MCCC2: variants seen among roughly 807,000 people sequenced by gnomAD.
MCCC2 encodes the protein methylcrotonoyl-CoA carboxylase beta chain, mitochondrial.
MCCC2 carries 52 observed loss-of-function variants against 77.2 expected under a neutral mutation model. That is an observed-to-expected ratio of 0.67 (90% confidence interval 0.54 to 0.85). The LOEUF is 0.85. Ranked by LOEUF, MCCC2 falls within the 40% of genes least tolerant of loss-of-function variation. The pLI is 0.00. For missense variants in MCCC2, 682 were observed against 703.2 expected, an observed-to-expected ratio of 0.97 and a Z score of 0.34; for synonymous variants, 253 against 248.4, an observed-to-expected ratio of 1.02 and a Z score of -0.18.
At chr5:71,614,752 G>A (rs1024679007) in intron 6 of MCCC2, among the ~76,000 whole-genome samples, 6 of 151,944 alleles carry the variant, frequency 3.9e-5, no homozygotes, top group African/African-American at 1.5e-4. Context: ...CCAAAGTGCT[G>A]GGATTACAGG....
At position 71,618,491 on chromosome 5, in the gene MCCC2, TCC is replaced by T. The variant is rs1457178213; in HGVS notation, c.625-8148_625-8147del. ...TTTCTTTCTTTCCTTCTTTCCTTCT[TCC>T]TTCCTTCCTTCCTTCCTTCCTTCCT... On this transcript the variant is annotated intron_variant, in intron 6 of 16. Coordinates refer to ENST00000340941, the MANE Select transcript of MCCC2 (RefSeq NM_022132.5). Among the ~76,000 whole-genome samples, 5 of 7,128 alleles carry T rather than the reference TCC, an allele frequency of 7.0e-4. No individual in the cohort carries two copies. The Admixed American group carries it at 8.7e-3, about 12-fold the overall frequency. 4.7% of individuals were successfully genotyped at this position (7,128 alleles called of 152,430 possible).
At chr5:71,603,936 T>C (rs1482054017) in intron 5 of MCCC2, among the ~76,000 whole-genome samples, 1 of 152,212 alleles carries the variant, frequency 6.6e-6, no homozygotes, top group Non-Finnish European at 1.5e-5. Context: ...AACTGACCTG[T>C]GTACCCACCA....
At position 71,649,099 on chromosome 5, in the gene MCCC2, T is replaced by C. The variant is rs745683075; in HGVS notation, c.1219T>C (p.Phe407Leu). Residue 407 changes from phenylalanine (F) to leucine (L), a missense_variant and splice_region_variant, in exon 14 of 17, where the codon TTT (phenylalanine) becomes CTT (leucine). Coordinates refer to ENST00000340941, the MANE Select transcript of MCCC2 (RefSeq NM_022132.5). ...TCTCTTTCTGATCTTTCTCTCAGGA[T>C]TTATGGTTGGTAGAGAGTATGAAGC... ...PLLFLQNITGFMVGREYEAEG... is the reference protein window; with the variant it reads ...PLLFLQNITGLMVGREYEAEG... The C allele has an allele frequency of 6.2e-7, 1 of 1,614,142 alleles. No individual in the cohort carries two copies. Among genetic ancestry groups the C allele is most frequent in the Non-Finnish European group, 8.5e-7 (1 of 1,179,958 alleles).
At chr5:71,593,911 A>C (rs1350372978) in intron 2 of MCCC2, among the ~76,000 whole-genome samples, 1 of 152,136 alleles carries the variant, frequency 6.6e-6, no homozygotes, top group Non-Finnish European at 1.5e-5. Flanking sequence ...CTGGATTTGG[A>C]AAGTATGGTC....
chr5:71,614,456 C>CAG (rs1746086714), intron 6 of MCCC2, among the ~76,000 whole-genome samples: 1 of 150,660 alleles, frequency 6.6e-6, no homozygotes, highest in South Asian at 2.1e-4. Flanking sequence ...ACGTGGCCAG[C>CAG]ATAGTGAGAC....
intron 15 of MCCC2, among the ~76,000 whole-genome samples, chr5:71,651,568 G>A (rs1747438705): frequency 6.6e-6 from 1 of 152,190 alleles, no homozygotes; most frequent in Admixed American, 6.5e-5. Context: ...TCTGCTCTGT[G>A]CAGGAATCAT....
At chr5:71,649,795 A>G (rs1459176703) in intron 14 of MCCC2, among the ~76,000 whole-genome samples, 1 of 152,202 alleles carries the variant, frequency 6.6e-6, no homozygotes, top group African/African-American at 2.4e-5. Context: ...GGAATGGAAA[A>G]AAGGACATGA....
At chr5:71,647,838 G>A (rs912842257) in intron 13 of MCCC2, among the ~76,000 whole-genome samples, 1 of 152,088 alleles carries the variant, frequency 6.6e-6, no homozygotes, top group Non-Finnish European at 1.5e-5. Context: ...GCATGATTAT[G>A]CAGTTTTCTT....
chr5:71,598,326 C>T (rs1363181190), intron 3 of MCCC2, among the ~76,000 whole-genome samples: 4 of 152,034 alleles, frequency 2.6e-5, no homozygotes, highest in African/African-American at 9.7e-5. Context: ...ACCTTGGCCT[C>T]CCAAAGTGCC....
intron 2 of MCCC2, 102 bp from the exon 3 acceptor site, chr5:71,596,178 T>A: frequency 9.2e-7 from 1 of 1,082,216 alleles, no homozygotes; most frequent in South Asian, 1.3e-5. Flanking sequence ...TATGTTGAAC[T>A]TTTAAAAAGT....
At chr5:71,605,575 T>A (rs1026693070) in intron 6 of MCCC2, among the ~76,000 whole-genome samples, 1 of 150,350 alleles carries the variant, frequency 6.7e-6, no homozygotes, top group Non-Finnish European at 1.5e-5. Flanking sequence ...AGAAGCTCTT[T>A]AGTTTAATTA....
chr5:71,603,223 T>G (rs1745514744), intron 5 of MCCC2, among the ~76,000 whole-genome samples: 1 of 151,730 alleles, frequency 6.6e-6, no homozygotes, highest in Non-Finnish European at 1.5e-5. Context: ...CCATCCTGGC[T>G]AACACACTGA....
chr5:71,590,814 C>T (rs1202439683), intron 1 of MCCC2, among the ~76,000 whole-genome samples: 1 of 119,836 alleles, frequency 8.3e-6, no homozygotes. Context: ...CAGACTCCGT[C>T]TCAAAAAAAA....
intron 3 of MCCC2, among the ~76,000 whole-genome samples, chr5:71,598,168 T>TTCAAGC (rs1247339520): frequency 6.7e-6 from 1 of 148,676 alleles, no homozygotes; most frequent in African/African-American, 2.5e-5. Context: ...GCCTCCTGGG[T>TTCAAGC]TCAAGCGATT....
chr5:71,613,321 G>T (rs1746035604), intron 6 of MCCC2, among the ~76,000 whole-genome samples: 1 of 152,150 alleles, frequency 6.6e-6, no homozygotes, highest in South Asian at 2.1e-4. Context: ...CTGCCAGGTG[G>T]AGTCTCTATT....
chr5:71,632,173 A>G lies in MCCC2; in HGVS notation c.791A>G (p.Asp264Gly). 1.9e-6 allele frequency: 3 copies of G among 1,614,162 alleles called. No homozygotes were observed. Among genetic ancestry groups the G allele is most frequent in the Non-Finnish European group, 2.5e-6 (3 of 1,179,992 alleles). Residue 264 changes from aspartate to glycine, a missense_variant, in exon 8 of 17, where the codon GAT becomes GGT. Transcript: ENST00000340941. The part of the protein sequence containing the change: ...EVSAEDLGGA[D>G]LHCRKSGVSD... ...TCTGCTGAGGATCTTGGAGGTGCTG[A>G]TCTTCATTGCAGGTGAAACAGAAAT... is the stretch of plus-strand genomic sequence containing the variant.
chr5:71,630,575 T>C (rs139655285), intron 7 of MCCC2, among the ~76,000 whole-genome samples: 2 of 152,296 alleles, frequency 1.3e-5, no homozygotes, highest in African/African-American at 4.8e-5. Context: ...ACACCTCTTA[T>C]AATTTGTTAT....
intron 10 of MCCC2, among the ~76,000 whole-genome samples, chr5:71,638,609 C>A (rs1429566649): frequency 3.3e-5 from 5 of 152,182 alleles, no homozygotes; most frequent in Admixed American, 6.5e-5. Flanking sequence ...CAACCTCTAT[C>A]TTCCAGGTTC....
At position 71,604,240 on chromosome 5, in the gene MCCC2, AG is replaced by A. The variant is rs1251879233; in HGVS notation, c.512-113del. 1.4e-5 allele frequency: 12 copies of A among 874,100 alleles called. No individual in the cohort carries two copies. The Admixed American group carries it at 1.5e-4, about 11-fold the overall frequency. The allele number at this position is 874,100 out of a possible 1,614,324, so 54.1% of individuals were successfully genotyped here. A position where few individuals can be genotyped will look rare whatever the true frequency, so the allele number is the denominator to read the frequency against. ...AGGCTCTATAACAGTTTAGAAAGAC[AG>A]GGCAAGTTTTTTGTGAATGTGATTA... On this transcript the variant is annotated intron_variant, in intron 5 of 16. Transcript: ENST00000340941.
Sources: allele counts gnomAD v4.1 joint callset (sites outside exome capture counted in the v4.1 genomes callset), GRCh38; gene constraint gnomAD v4.1.1; transcripts MANE v1.5; gene names NCBI Gene and HGNC (gene_info 2026-07-23, HGNC 2026-07-21).